PTPRO: variants seen among roughly 807,000 people sequenced by gnomAD.
The protein encoded by PTPRO is protein tyrosine phosphatase receptor type O.
Under a neutral mutation model 145.2 loss-of-function variants are expected in PTPRO, and 62 were observed. The observed-to-expected ratio is 0.43, with a 90% CI of 0.35 to 0.53. PTPRO has a LOEUF of 0.53. Among genes scored for constraint, PTPRO ranks in the 20% least tolerant of loss-of-function variants. The pLI is 0.01. For missense variants in PTPRO, 1,345 were observed against 1,482.7 expected, an observed-to-expected ratio of 0.91 and a Z score of 1.53; for synonymous variants, 565 against 514.7, an observed-to-expected ratio of 1.10 and a Z score of -1.32.
chr12:15,455,564 A>T (rs1941155161), intron 1 of PTPRO, among the ~76,000 whole-genome samples: 1 of 152,090 alleles, frequency 6.6e-6, no homozygotes, highest in Non-Finnish European at 1.5e-5. Flanking sequence ...GTCATTTACC[A>T]CTATAATTAT....
chr12:15,379,748 T>A (rs1016163508), intron 1 of PTPRO, among the ~76,000 whole-genome samples: 1 of 152,038 alleles, frequency 6.6e-6, no homozygotes. Flanking sequence ...CAAAAATAAA[T>A]TAATGGTTGC....
At position 15,596,434 on chromosome 12, in the gene PTPRO, T is replaced by TTG. The variant is rs150463156; in HGVS notation, c.*372_*373dup. 6 of 152,658 alleles carry TTG rather than the reference T, an allele frequency of 3.9e-5. No homozygotes were observed. The highest frequency in any genetic ancestry group is 2.1e-4 in the South Asian group (1 of 4,824). 9.5% of individuals were successfully genotyped at this position (152,658 alleles called of 1,614,324 possible). On this transcript the variant is annotated 3_prime_UTR_variant, in exon 27 of 27. Coordinates refer to ENST00000281171, the MANE Select transcript of PTPRO (RefSeq NM_030667.3). Reference sequence around the variant, plus strand: ...TGTTTGTTTTTCAGTGCAATAATTTTTGTGTGTGTGTGATTCTTATCAGAA... The same window carrying TTG: ...TGTTTGTTTTTCAGTGCAATAATTTTTGTGTGTGTGTGTGATTCTTATCAGAA...
chr12:15,549,380 G>C (rs1236150624), intron 14 of PTPRO, among the ~76,000 whole-genome samples, 154 bp downstream of exon 14: 3 of 151,902 alleles, frequency 2.0e-5, no homozygotes, highest in African/African-American at 7.3e-5. Context: ...TATGGAGTTA[G>C]AGAAAGACAT....
chr12:15,460,426 G>A (rs746320712), intron 1 of PTPRO, among the ~76,000 whole-genome samples: 1 of 152,106 alleles, frequency 6.6e-6, no homozygotes, highest in Non-Finnish European at 1.5e-5. Flanking sequence ...TAGTATGTTT[G>A]TGACTAAATG....
At chr12:15,444,419 T>A (rs1244056071) in intron 1 of PTPRO, among the ~76,000 whole-genome samples, 1 of 151,984 alleles carries the variant, frequency 6.6e-6, no homozygotes, top group Admixed American at 6.6e-5. Context: ...ATCATTTGTA[T>A]CCCAAACCTC....
intron 9 of PTPRO, among the ~76,000 whole-genome samples, chr12:15,519,456 A>C (rs1187249506): frequency 6.6e-6 from 1 of 152,212 alleles, no homozygotes; most frequent in East Asian, 1.9e-4. Flanking sequence ...AGAAAGAGAT[A>C]ATTGTGTGAA....
At chr12:15,476,602 G>A (rs1019504115) in intron 1 of PTPRO, among the ~76,000 whole-genome samples, 1 of 151,152 alleles carries the variant, frequency 6.6e-6, no homozygotes, top group Non-Finnish European at 1.5e-5. Context: ...GGCTTTTGTT[G>A]CCATTGCTTT....
Position 15,444,012 on chromosome 12 carries a change from T to C in PTPRO, c.76-39962T>C, listed in dbSNP as rs12230155. Among the ~76,000 whole-genome samples, 798 of 151,778 alleles carry C rather than the reference T, an allele frequency of 5.3e-3. 51 individuals are homozygous for C. In the East Asian group the frequency reaches 0.14, roughly 26 times the overall value. ...TATATATCAAAAAAAAAAAAAATTC[T>C]ACCAAAAAGACACATGTACTCACAT... is the stretch of plus-strand genomic sequence containing the variant. On this transcript the variant is annotated intron_variant, in intron 1 of 26. Coordinates refer to ENST00000281171, the MANE Select transcript of PTPRO (RefSeq NM_030667.3).
chr12:15,387,856 C>T (rs896070607), intron 1 of PTPRO, among the ~76,000 whole-genome samples: 3 of 152,082 alleles, frequency 2.0e-5, no homozygotes, highest in Non-Finnish European at 4.4e-5. Context: ...CCAATGACAC[C>T]AGCCTTAGAA....
chr12:15,584,118 G>C (rs988280034), intron 23 of PTPRO, among the ~76,000 whole-genome samples: 1 of 152,162 alleles, frequency 6.6e-6, no homozygotes, highest in Non-Finnish European at 1.5e-5. Context: ...GCACACCATA[G>C]ATAGTTACAA....
At position 15,580,729 on chromosome 12, in the gene PTPRO, C is replaced by G; in HGVS notation, c.3030C>G (p.Thr1010=). 2 of 1,614,006 alleles carry G rather than the reference C, an allele frequency of 1.2e-6. No individual in the cohort carries two copies. The highest frequency in any genetic ancestry group is 1.7e-6 in the Non-Finnish European group (2 of 1,179,962). The change falls in exon 22 of 27, where the codon ACC becomes ACG. Residue 1010 remains threonine (T), a synonymous_variant. Coordinates refer to ENST00000281171, the MANE Select transcript of PTPRO (RefSeq NM_030667.3). ...GYNSPQEYIA[T]QGPLPETRND... ...ACTCACCCCAGGAGTATATTGCCAC[C>G]CAGGGGCCACTGCCTGAAACCAGAA... is the stretch of plus-strand genomic sequence containing the variant.
chr12:15,546,778 A>T lies in PTPRO; in HGVS notation c.2304+70A>T, dbSNP rs953994123. On this transcript the variant is annotated intron_variant, in intron 13 of 26. Transcript: ENST00000281171. ...GGCTAATTATCTGGGCAAAATAAGA[A>T]TCTTCTATTTCTTTGAGCTATATAA... The T allele has an allele frequency of 9.6e-6, 15 of 1,568,880 alleles. No individual in the cohort carries two copies. In the African/African-American group the frequency reaches 1.9e-4, roughly 20 times the overall value.
intron 1 of PTPRO, among the ~76,000 whole-genome samples, chr12:15,365,476 C>T (rs574649630): frequency 6.6e-6 from 1 of 152,062 alleles, no homozygotes; most frequent in African/African-American, 2.4e-5. Flanking sequence ...TTTTATGACT[C>T]CCTTTTATTA....
chr12:15,513,157 AAAAGAAAGAAAGAAAGAAAG>A (rs1162807747), intron 7 of PTPRO, among the ~76,000 whole-genome samples: 368 of 30,800 alleles, frequency 0.012, 3 homozygotes, highest in Non-Finnish European at 0.015. Flanking sequence ...GAAAGAAAGA[AAAAGAAAGAAAGAAAGAAAG>A]AAAGAAAGAA....
chr12:15,381,565 T>TA (rs896251107), intron 1 of PTPRO, among the ~76,000 whole-genome samples: 1 of 151,970 alleles, frequency 6.6e-6, no homozygotes, highest in Admixed American at 6.6e-5. Context: ...ACTGTTGCTT[T>TA]AAAAAAAATT....
chr12:15,419,330 G>A (rs1328183276), intron 1 of PTPRO, among the ~76,000 whole-genome samples: 4 of 151,502 alleles, frequency 2.6e-5, no homozygotes, highest in Non-Finnish European at 5.9e-5. Context: ...AGAAAGGTCA[G>A]TGTAACAGAA....
chr12:15,585,514 C>T (rs1440541631), intron 23 of PTPRO, among the ~76,000 whole-genome samples: 1 of 152,038 alleles, frequency 6.6e-6, no homozygotes, highest in East Asian at 1.9e-4. Flanking sequence ...GAGGTGATAA[C>T]TTATGTATAT....
chr12:15,546,544 T>C (rs938593092), intron 12 of PTPRO, 25 bp from the exon 13 acceptor site: 11 of 1,558,858 alleles, frequency 7.1e-6, no homozygotes, highest in Non-Finnish European at 9.6e-6. Flanking sequence ...AATTAAATTT[T>C]TTTTAAAACT....
At chr12:15,526,793 C>G (rs1423758952) in intron 12 of PTPRO, among the ~76,000 whole-genome samples, 1 of 151,836 alleles carries the variant, frequency 6.6e-6, no homozygotes, top group Non-Finnish European at 1.5e-5. Context: ...ATGAAATTAC[C>G]TGATGCCTAG....
Sources: gnomAD v4.1 joint callset for allele counts (sites outside exome capture counted in the v4.1 genomes callset) on GRCh38, gnomAD v4.1.1 for gene constraint, MANE v1.5 for transcripts, NCBI Gene and HGNC (gene_info 2026-07-23, HGNC 2026-07-21) for gene names.